MECOM: variants seen among roughly 807,000 people sequenced by gnomAD.
MECOM encodes the protein histone-lysine N-methyltransferase MECOM.
MECOM carries 13 observed loss-of-function variants against 116.3 expected under a neutral mutation model. The ratio of observed to expected loss-of-function variants is 0.11; its 90% CI spans 0.07 to 0.18. The LOEUF is 0.18. MECOM is among the 10% of genes least tolerant of loss of function. The probability of loss-of-function intolerance (pLI) is 1.00; values close to 1 mark genes in which losing one functional copy is unlikely to be tolerated. For synonymous variants in MECOM, 528 were observed against 535.2 expected (o/e 0.99, Z 0.19); for missense variants, 1,299 against 1,509.0 (o/e 0.86, Z 2.31).
Position 169,633,946 on chromosome 3 carries a change from G to C in MECOM, c.37+29390C>G, listed in dbSNP as rs558334243. ...AAAAACAAACAGGCGACAGGCAGCA[G>C]GGGAGGAGTTGTTGAGAAACGGCAT... is the stretch of plus-strand genomic sequence containing the variant. On this transcript the variant is annotated intron_variant, in intron 1 of 16. Coordinates refer to ENST00000651503, the MANE Select transcript of MECOM (RefSeq NM_004991.4). Among the ~76,000 whole-genome samples the C allele has an allele frequency of 2.7e-4, 41 of 151,722 alleles. 1 individual carries two copies. The South Asian group carries it at 7.7e-3, about 29-fold the overall frequency.
intron 1 of MECOM, among the ~76,000 whole-genome samples, chr3:169,588,783 C>T (rs1416640637): frequency 2.0e-5 from 3 of 152,084 alleles, no homozygotes; most frequent in Admixed American, 6.6e-5. Flanking sequence ...GACCCTATCT[C>T]ATAAAAGGAC....
At position 169,270,403 on chromosome 3, in the gene MECOM, A is replaced by ATC. The variant is rs1560070730; in HGVS notation, c.375+110783_375+110784insGA. On this transcript the variant is annotated intron_variant, in intron 2 of 16. Coordinates refer to ENST00000651503, the MANE Select transcript of MECOM (RefSeq NM_004991.4). ...TATCTGTATCTATCTATCTATCTAT[A>ATC]TATACTTATATGCAATTTATAATAT... Among the ~76,000 whole-genome samples the ATC allele has an allele frequency of 4.6e-5, 7 of 152,064 alleles. No homozygotes were observed. In the East Asian group the frequency reaches 5.8e-4, roughly 13 times the overall value.
intron 1 of MECOM, among the ~76,000 whole-genome samples, chr3:169,420,793 G>C (rs1006696832): frequency 6.6e-6 from 1 of 151,984 alleles, no homozygotes; most frequent in African/African-American, 2.4e-5. Context: ...AATATAGGAT[G>C]GTCACTAAAG....
intron 1 of MECOM, among the ~76,000 whole-genome samples, chr3:169,485,941 G>GTATA (rs1214145629): frequency 1.9e-4 from 7 of 36,014 alleles, no homozygotes; most frequent in East Asian, 1.2e-3. Context: ...TAGTATATAT[G>GTATA]TATGTATATA....
chr3:169,472,533 A>AAAAGAAAAGAAAAGAAAAGG (rs1160223015), intron 1 of MECOM, among the ~76,000 whole-genome samples: 6 of 85,142 alleles, frequency 7.0e-5, no homozygotes, highest in African/African-American at 3.0e-4. Flanking sequence ...AAAAGAAAAG[A>AAAAGAAAAGAAAAGAAAAGG]AAAGGAAAGG....
intron 2 of MECOM, among the ~76,000 whole-genome samples, chr3:169,265,484 T>C (rs1468723978): frequency 6.6e-6 from 1 of 152,248 alleles, no homozygotes; most frequent in East Asian, 1.9e-4. Context: ...TATCCATTTT[T>C]AAAATAGTGA....
rs550372901 is a variant in MECOM, at chr3:169,150,635, G to A, written c.376-6803C>T. ...AACTAAAACAAATGTATAGCTTCGG[G>A]GAAAGAAAAAAATGGAATGATTCAT... On this transcript the variant is annotated intron_variant, in intron 2 of 16. Transcript: ENST00000651503. 2.6e-5 allele frequency among the ~76,000 whole-genome samples: 4 copies of A among 151,984 alleles called. No homozygotes were observed. In the East Asian group the frequency reaches 7.7e-4, roughly 29 times the overall value.
At chr3:169,371,473 A>C (rs898652142) in intron 2 of MECOM, among the ~76,000 whole-genome samples, 1 of 151,682 alleles carries the variant, frequency 6.6e-6, no homozygotes, top group Non-Finnish European at 1.5e-5. Context: ...TGTATTGTAT[A>C]CATGAAATTT....
rs1487955074 is a variant in MECOM, at chr3:169,116,426, T to C, written c.1446A>G (p.Pro482=). 6 of 1,614,040 alleles carry C rather than the reference T, an allele frequency of 3.7e-6. No individual in the cohort carries two copies. In the Admixed American group the frequency reaches 5.0e-5, roughly 13 times the overall value. The change falls in exon 8 of 17, where the codon CCA becomes CCG. Residue 482 remains proline, a synonymous_variant. Transcript: ENST00000651503. ...ANRHPAGLTF[P]TAPGFSFSFP... ...AGCTAAAAGAAAATCCAGGAGCTGT[T>C]GGAAAGGTAAGACCAGCAGGATGCC...
At chr3:169,297,074 C>A (rs910357491) in intron 2 of MECOM, among the ~76,000 whole-genome samples, 1 of 152,214 alleles carries the variant, frequency 6.6e-6, no homozygotes, top group Admixed American at 6.5e-5. Flanking sequence ...TTTAGTAATA[C>A]ACCTGCACTG....
In MECOM at chr3:169,462,748, C is replaced by T. The variant is rs1578168049; in HGVS notation, c.38-81224G>A. 3.3e-5 allele frequency among the ~76,000 whole-genome samples: 5 copies of T among 152,078 alleles called. No homozygotes were observed. The East Asian group carries it at 9.6e-4, about 29-fold the overall frequency. On this transcript the variant is annotated intron_variant, in intron 1 of 16. Coordinates refer to ENST00000651503, the MANE Select transcript of MECOM (RefSeq NM_004991.4). ...GTAACTCTGTTGCCATTAATGAATACTGTAAAGGTAGTCTTTATTTGTAAA... is the reference window on the plus strand; with the variant it reads ...GTAACTCTGTTGCCATTAATGAATATTGTAAAGGTAGTCTTTATTTGTAAA...
intron 1 of MECOM, among the ~76,000 whole-genome samples, chr3:169,395,060 T>C (rs1009057692): frequency 2.0e-5 from 3 of 152,056 alleles, no homozygotes; most frequent in Non-Finnish European, 4.4e-5. Flanking sequence ...ACAAAACAAA[T>C]GAGCAAATAA....
At position 169,663,393 on chromosome 3, in the gene MECOM, C is replaced by T. The variant is rs1454138846; in HGVS notation, c.-21G>A. On this transcript the variant is annotated 5_prime_UTR_variant, in exon 1 of 17. Coordinates refer to ENST00000651503, the MANE Select transcript of MECOM (RefSeq NM_004991.4). ...CTCATGCTGTGCCCAGTCCTGCAGC[C>T]GCTGGTGTGTGGTTGGGGCTTTTTT... 1 of 1,607,618 alleles carries T rather than the reference C, an allele frequency of 6.2e-7. No homozygotes were observed. Among genetic ancestry groups the T allele is most frequent in the Admixed American group, 1.7e-5 (1 of 59,120 alleles).
At chr3:169,636,981 T>C (rs1772862235) in intron 1 of MECOM, among the ~76,000 whole-genome samples, 1 of 152,178 alleles carries the variant, frequency 6.6e-6, no homozygotes, top group South Asian at 2.1e-4. Context: ...TGCCCTTGTG[T>C]AGTCTCCTCT....
intron 2 of MECOM, among the ~76,000 whole-genome samples, chr3:169,302,682 G>C (rs1287701562): frequency 6.6e-6 from 1 of 152,034 alleles, no homozygotes; most frequent in Non-Finnish European, 1.5e-5. Context: ...TGGCCAACAT[G>C]AGCAAACCCC....
intron 1 of MECOM, among the ~76,000 whole-genome samples, chr3:169,596,885 T>C (rs1004261320): frequency 1.4e-4 from 22 of 152,222 alleles, no homozygotes; most frequent in Admixed American, 6.5e-5. Flanking sequence ...GAATATAAAT[T>C]GGACTAGTCA....
intron 1 of MECOM, among the ~76,000 whole-genome samples, chr3:169,445,279 G>A (rs551964764): frequency 6.6e-5 from 10 of 152,128 alleles, no homozygotes; most frequent in African/African-American, 1.9e-4. Flanking sequence ...GTGGTTTTGT[G>A]GGTGGGCCCA....
chr3:169,131,888 C>A, intron 3 of MECOM: 1 of 1,019,150 alleles, frequency 9.8e-7, no homozygotes, highest in Non-Finnish European at 1.2e-6. Context: ...CACACGTACT[C>A]ACAGAGTTGA....
At chr3:169,478,439 A>C (rs1200568491) in intron 1 of MECOM, among the ~76,000 whole-genome samples, 1 of 152,050 alleles carries the variant, frequency 6.6e-6, no homozygotes, top group African/African-American at 2.4e-5. Context: ...GTTAATAGCT[A>C]TTGTGCAGAT....
Sources: gnomAD v4.1 joint callset for allele counts (sites outside exome capture counted in the v4.1 genomes callset) on GRCh38, gnomAD v4.1.1 for gene constraint, MANE v1.5 for transcripts, NCBI Gene and HGNC (gene_info 2026-07-23, HGNC 2026-07-21) for gene names.